SPACA7: variants seen among roughly 807,000 people sequenced by gnomAD.
SPACA7 encodes sperm acrosome-associated protein 7.
A neutral mutation model predicts 26.3 loss-of-function variants in SPACA7; 19 were observed. The observed-to-expected ratio is 0.72, with a 90% CI of 0.50 to 1.06. SPACA7 has a LOEUF of 1.06. SPACA7 is among the 50% of genes least tolerant of loss of function. The pLI is 0.00. For synonymous variants in SPACA7, 84 were observed against 84.5 expected (o/e 0.99, Z 0.04); for missense variants, 211 against 229.9 (o/e 0.92, Z 0.53).
chr13:112,396,940 C>T lies in SPACA7; in HGVS notation c.152-1109C>T, dbSNP rs567323331. ...GGGGTGCAGGCCTGGACACTGGTTC[C>T]CCTTTTATCAGGAGGAGCAAATTCC... On this transcript the variant is annotated intron_variant, in intron 2 of 6. Coordinates refer to ENST00000283550, the MANE Select transcript of SPACA7 (RefSeq NM_145248.5). Among the ~76,000 whole-genome samples the T allele has an allele frequency of 3.9e-5, 6 of 152,276 alleles. No individual in the cohort carries two copies. The South Asian group carries it at 1.2e-3, about 32-fold the overall frequency.
intron 5 of SPACA7, among the ~76,000 whole-genome samples, chr13:112,409,459 C>T (rs1886204137): frequency 6.6e-6 from 1 of 152,094 alleles, no homozygotes; most frequent in African/African-American, 2.4e-5. Context: ...TTTTTGCAAT[C>T]TACTCATCTG....
chr13:112,428,598 A>T (rs1439248310), intron 5 of SPACA7, among the ~76,000 whole-genome samples: 6 of 152,134 alleles, frequency 3.9e-5, no homozygotes, highest in Admixed American at 6.5e-5. Context: ...AAACAAAAAC[A>T]AAAACAAAAA....
intron 1 of SPACA7, among the ~76,000 whole-genome samples, chr13:112,388,304 A>G (rs1454357006): frequency 6.6e-6 from 1 of 152,200 alleles, no homozygotes; most frequent in Non-Finnish European, 1.5e-5. Context: ...CTAGTTAGAA[A>G]GAGCCAGCCG....
intron 4 of SPACA7, among the ~76,000 whole-genome samples, chr13:112,400,673 T>A (rs1339511623): frequency 1.3e-5 from 2 of 152,242 alleles, no homozygotes; most frequent in African/African-American, 4.8e-5. Context: ...CCTCCTTTCC[T>A]GCCCGCACTC....
At chr13:112,414,066 AGAACTCATTACT>A (rs933665132) in intron 5 of SPACA7, among the ~76,000 whole-genome samples, 1 of 152,174 alleles carries the variant, frequency 6.6e-6, no homozygotes, top group African/African-American at 2.4e-5. Context: ...CAAAAGATCA[AGAACTCATTACT>A]GAGGGGAAGG....
At chr13:112,419,926 T>G (rs555711635) in intron 5 of SPACA7, among the ~76,000 whole-genome samples, 44 of 152,234 alleles carry the variant, frequency 2.9e-4, no homozygotes, top group African/African-American at 1.0e-3. Flanking sequence ...TAAAGGGAAA[T>G]AGAAACACTA....
At chr13:112,416,961 T>A (rs1886731796) in intron 5 of SPACA7, among the ~76,000 whole-genome samples, 1 of 152,182 alleles carries the variant, frequency 6.6e-6, no homozygotes. Context: ...CTTGTATGTT[T>A]AAGTTGATGT....
chr13:112,397,826 A>C (rs371094717), intron 2 of SPACA7, among the ~76,000 whole-genome samples: 5 of 152,118 alleles, frequency 3.3e-5, no homozygotes, highest in Admixed American at 2.6e-4. Context: ...AAAATGTCCA[A>C]ATGGTCTCAG....
chr13:112,401,364 G>A (rs1426192164), intron 5 of SPACA7, among the ~76,000 whole-genome samples, 200 bp downstream of exon 5: 2 of 152,132 alleles, frequency 1.3e-5, no homozygotes, highest in Non-Finnish European at 2.9e-5. Context: ...CATCTCATAT[G>A]TTTAAGGGCC....
chr13:112,390,702 C>T (rs1884832555), intron 1 of SPACA7, among the ~76,000 whole-genome samples: 1 of 152,166 alleles, frequency 6.6e-6, no homozygotes, highest in East Asian at 1.9e-4. Flanking sequence ...GCAGGTGCTA[C>T]GCACTTGTAA....
At chr13:112,419,236 C>T (rs774186011) in intron 5 of SPACA7, among the ~76,000 whole-genome samples, 6 of 152,170 alleles carry the variant, frequency 3.9e-5, no homozygotes, top group Non-Finnish European at 8.8e-5. Flanking sequence ...AGGTCACCAC[C>T]ATACAAGTGG....
intron 5 of SPACA7, among the ~76,000 whole-genome samples, chr13:112,413,750 G>A (rs1886503456): frequency 1.3e-5 from 2 of 152,100 alleles, no homozygotes; most frequent in African/African-American, 4.8e-5. Context: ...TAAGTGTTCT[G>A]CATTGCTTTT....
intron 1 of SPACA7, among the ~76,000 whole-genome samples, chr13:112,386,805 C>G (rs1884556827): frequency 6.6e-6 from 1 of 152,184 alleles, no homozygotes; most frequent in Admixed American, 6.5e-5. Context: ...TCTCTTATTA[C>G]CTGACTTTAG....
At chr13:112,416,038 G>A (rs1481148675) in intron 5 of SPACA7, among the ~76,000 whole-genome samples, 1 of 151,910 alleles carries the variant, frequency 6.6e-6, no homozygotes, top group East Asian at 2.0e-4. Context: ...TCTGCACTGT[G>A]CTGCTTGGTG....
intron 5 of SPACA7, among the ~76,000 whole-genome samples, chr13:112,408,061 C>A (rs1389059404): frequency 1.3e-5 from 2 of 151,956 alleles, no homozygotes; most frequent in African/African-American, 4.8e-5. Context: ...AAGGCTGGTT[C>A]AAAGTACGCA....
intron 6 of SPACA7, among the ~76,000 whole-genome samples, chr13:112,434,267 T>G (rs368457958): frequency 5.9e-5 from 9 of 152,222 alleles, no homozygotes; most frequent in African/African-American, 2.2e-4. Context: ...GAAATGACAC[T>G]GGACAGGGTG....
At chr13:112,414,313 A>G (rs112963350) in intron 5 of SPACA7, among the ~76,000 whole-genome samples, 12 of 98,162 alleles carry the variant, frequency 1.2e-4, no homozygotes, top group Admixed American at 2.0e-4. Flanking sequence ...CCCAGGATTT[A>G]TTATTGTTAT....
At chr13:112,417,216 A>C (rs974693600) in intron 5 of SPACA7, among the ~76,000 whole-genome samples, 8 of 152,132 alleles carry the variant, frequency 5.3e-5, no homozygotes, top group African/African-American at 1.7e-4. Context: ...TATTCATTCT[A>C]TTCCATAGTT....
chr13:112,426,716 T>G (rs1006894779), intron 5 of SPACA7, among the ~76,000 whole-genome samples: 3 of 152,230 alleles, frequency 2.0e-5, no homozygotes, highest in Non-Finnish European at 4.4e-5. Context: ...CATAGAAATA[T>G]TATTGCTTTT....
Sources: allele counts gnomAD v4.1 joint callset (sites outside exome capture counted in the v4.1 genomes callset), GRCh38; gene constraint gnomAD v4.1.1; transcripts MANE v1.5; gene names NCBI Gene and HGNC (gene_info 2026-07-23, HGNC 2026-07-21).